The following NFATC2 variants were observed in gnomAD, a reference collection of about 807,000 sequenced individuals.
The protein encoded by NFATC2 is nuclear factor of activated T cells 2.
NFATC2 carries 22 observed loss-of-function variants against 87.3 expected under a neutral mutation model. The observed-to-expected ratio is 0.25, with a 90% CI of 0.18 to 0.36. The LOEUF (loss-of-function observed/expected upper bound fraction) is 0.36. Among genes scored for constraint, NFATC2 ranks in the 10% least tolerant of loss-of-function variants. The probability of loss-of-function intolerance (pLI) is 1.00; values close to 1 mark genes in which losing one functional copy is unlikely to be tolerated. For missense variants in NFATC2, 1,149 were observed against 1,259.1 expected (o/e 0.91, Z 1.32); for synonymous variants, 565 against 542.2 (o/e 1.04, Z -0.58).
intron 3 of NFATC2, among the ~76,000 whole-genome samples, chr20:51,482,289 C>G (rs560735335): frequency 4.5e-4 from 69 of 151,972 alleles, no homozygotes; most frequent in African/African-American, 1.5e-3. Context: ...AATTCAAGAT[C>G]TGCCTATTTT....
intron 9 of NFATC2, among the ~76,000 whole-genome samples, chr20:51,408,919 T>C (rs964942176): frequency 6.6e-6 from 1 of 152,210 alleles, no homozygotes; most frequent in African/African-American, 2.4e-5. Context: ...TTTGCATTTC[T>C]AACAAGCTCC....
At chr20:51,500,550 T>C (rs2076061005) in intron 3 of NFATC2, among the ~76,000 whole-genome samples, 1 of 151,306 alleles carries the variant, frequency 6.6e-6, no homozygotes, top group Non-Finnish European at 1.5e-5. Context: ...CAGAGGCTCC[T>C]ACAGCTCAGT....
chr20:51,412,655 C>G (rs1979416476), intron 9 of NFATC2, among the ~76,000 whole-genome samples: 1 of 152,178 alleles, frequency 6.6e-6, no homozygotes, highest in Admixed American at 6.5e-5. Context: ...GAGAGGGAAA[C>G]CCTGGCCGGC....
At chr20:51,481,163 C>G (rs1278894044) in intron 3 of NFATC2, among the ~76,000 whole-genome samples, 1 of 152,206 alleles carries the variant, frequency 6.6e-6, no homozygotes, top group Non-Finnish European at 1.5e-5. Flanking sequence ...CCTTCCTCGC[C>G]AGGTCCCTGG....
At chr20:51,532,226 A>G (rs548313567) in intron 1 of NFATC2, among the ~76,000 whole-genome samples, 6 of 152,224 alleles carry the variant, frequency 3.9e-5, no homozygotes, top group African/African-American at 1.4e-4. Context: ...ATATAGGGGG[A>G]AAATGAGGCT....
chr20:51,418,664 T>TTG (rs1980396798), intron 9 of NFATC2, among the ~76,000 whole-genome samples: 1 of 146,092 alleles, frequency 6.8e-6, no homozygotes, highest in East Asian at 2.0e-4. Context: ...GTTTGGTTTT[T>TTG]TTTTTTTTTT....
chr20:51,548,789 A>G (rs2076909634), intron 1 of NFATC2, among the ~76,000 whole-genome samples: 1 of 152,244 alleles, frequency 6.6e-6, no homozygotes, highest in East Asian at 1.9e-4. Flanking sequence ...GAGATCAATC[A>G]GTGAATAAAA....
intron 6 of NFATC2, among the ~76,000 whole-genome samples, chr20:51,440,389 C>G (rs995809937): frequency 6.6e-6 from 1 of 151,972 alleles, no homozygotes; most frequent in Non-Finnish European, 1.5e-5. Flanking sequence ...ATTTTAAAAT[C>G]AGAAAATAAT....
chr20:51,547,660 C>G (rs2076900232), upstream of NFATC2, among the ~76,000 whole-genome samples: 1 of 152,170 alleles, frequency 6.6e-6, no homozygotes, highest in Non-Finnish European at 1.5e-5. Flanking sequence ...TGTCCAAAAC[C>G]AAACCCTACG....
At chr20:51,418,710 T>C (rs1330587065) in intron 9 of NFATC2, among the ~76,000 whole-genome samples, 4 of 148,282 alleles carry the variant, frequency 2.7e-5, no homozygotes, top group Admixed American at 1.3e-4. Flanking sequence ...TCCCCCAGGC[T>C]GGAGTGCAGT....
At chr20:51,488,624 A>G (rs999742836) in intron 3 of NFATC2, among the ~76,000 whole-genome samples, 2 of 151,102 alleles carry the variant, frequency 1.3e-5, no homozygotes, top group African/African-American at 4.9e-5. Context: ...CTGAAACCCT[A>G]TCCCTTGTCC....
At chr20:51,532,824 G>A (rs904895775) in intron 1 of NFATC2, among the ~76,000 whole-genome samples, 1 of 152,264 alleles carries the variant, frequency 6.6e-6, no homozygotes, top group African/African-American at 2.4e-5. Context: ...CCTCTGAGAG[G>A]CAGCCGTCCT....
intron 1 of NFATC2, among the ~76,000 whole-genome samples, chr20:51,553,550 C>T (rs1370065110): frequency 6.6e-6 from 1 of 151,928 alleles, no homozygotes; most frequent in East Asian, 1.9e-4. Context: ...TGGCAGGTGC[C>T]TGTAGTTCCA....
chr20:51,397,629 C>T (rs934851783), intron 10 of NFATC2, among the ~76,000 whole-genome samples: 23 of 152,216 alleles, frequency 1.5e-4, no homozygotes, highest in East Asian at 1.2e-3. Context: ...CCCCAGGAGC[C>T]GATTCCTCAG....
intron 10 of NFATC2, among the ~76,000 whole-genome samples, chr20:51,395,059 G>A (rs1986861248): frequency 6.6e-6 from 1 of 152,228 alleles, no homozygotes; most frequent in Non-Finnish European, 1.5e-5. Context: ...TGATTTTCAT[G>A]CGATTGACAA....
chr20:51,535,219 T>C (rs140509649), intron 1 of NFATC2, among the ~76,000 whole-genome samples: 2 of 152,364 alleles, frequency 1.3e-5, no homozygotes, highest in Admixed American at 6.5e-5. Context: ...CCACCCACTC[T>C]GTCAAAGGCC....
chr20:51,433,091 C>T (rs969197262), intron 8 of NFATC2, among the ~76,000 whole-genome samples: 1 of 152,128 alleles, frequency 6.6e-6, no homozygotes, highest in African/African-American at 2.4e-5. Context: ...ATGCCTCCCC[C>T]TCTTTCTATC....
At chr20:51,411,096 A>G (rs1979157349) in intron 9 of NFATC2, among the ~76,000 whole-genome samples, 1 of 152,136 alleles carries the variant, frequency 6.6e-6, no homozygotes, top group African/African-American at 2.4e-5. Context: ...AACCCACCCA[A>G]TGTTCACAGT....
chr20:51,416,964 G>C (rs754377880), intron 9 of NFATC2, among the ~76,000 whole-genome samples: 2 of 152,144 alleles, frequency 1.3e-5, no homozygotes, highest in Non-Finnish European at 2.9e-5. Flanking sequence ...CAGTGGGTCT[G>C]GGGCAAAAGC....
Sources: allele counts gnomAD v4.1 joint callset (sites outside exome capture counted in the v4.1 genomes callset), GRCh38; gene constraint gnomAD v4.1.1; transcripts MANE v1.5; gene names NCBI Gene and HGNC (gene_info 2026-07-23, HGNC 2026-07-21).